The following ASIC2 variants were observed in gnomAD, a reference collection of about 807,000 sequenced individuals.
The protein encoded by ASIC2 is acid sensing ion channel subunit 2, also known as acid-sensing ion channel 2.
Under a neutral mutation model 57.3 loss-of-function variants are expected in ASIC2, and 25 were observed. That is an observed-to-expected ratio of 0.44 (90% CI 0.32 to 0.61). ASIC2 has a LOEUF of 0.61. ASIC2 is among the 20% of genes least tolerant of loss of function. The pLI, the probability that ASIC2 is intolerant of heterozygous loss-of-function variation, is 0.06. For synonymous variants in ASIC2, 319 were observed against 307.5 expected (o/e 1.04, Z -0.39); for missense variants, 641 against 738.1 (o/e 0.87, Z 1.52).
At chr17:33,255,780 G>T (rs1909046153) in intron 1 of ASIC2, among the ~76,000 whole-genome samples, 1 of 152,016 alleles carries the variant, frequency 6.6e-6, no homozygotes, top group Non-Finnish European at 1.5e-5. Context: ...AAGATTTCAG[G>T]CATGTCAAAA....
At chr17:33,648,449 T>C (rs1906815382) in intron 1 of ASIC2, among the ~76,000 whole-genome samples, 1 of 152,214 alleles carries the variant, frequency 6.6e-6, no homozygotes, top group Admixed American at 6.5e-5. Flanking sequence ...CAATGACTGC[T>C]ATATAGGAAG....
intron 1 of ASIC2, among the ~76,000 whole-genome samples, chr17:33,208,785 T>C (rs1287655025): frequency 1.3e-5 from 2 of 152,142 alleles, no homozygotes; most frequent in Non-Finnish European, 2.9e-5. Flanking sequence ...GAACAGGGCC[T>C]GGCACATAGC....
At chr17:33,628,856 T>C (rs1906070262) in intron 1 of ASIC2, among the ~76,000 whole-genome samples, 1 of 152,212 alleles carries the variant, frequency 6.6e-6, no homozygotes, top group Non-Finnish European at 1.5e-5. Flanking sequence ...AAGAGACCAG[T>C]CTGGGTTTGA....
At chr17:33,586,259 G>T (rs569540170) in intron 1 of ASIC2, among the ~76,000 whole-genome samples, 12 of 152,268 alleles carry the variant, frequency 7.9e-5, no homozygotes, top group Admixed American at 5.2e-4. Flanking sequence ...GGAGCTTCTG[G>T]GTTCTCATAT....
intron 1 of ASIC2, among the ~76,000 whole-genome samples, chr17:34,066,396 T>C (rs905672238): frequency 6.6e-6 from 1 of 152,176 alleles, no homozygotes; most frequent in East Asian, 1.9e-4. Context: ...GCCAGACTGA[T>C]TGAATTGGAA....
intron 1 of ASIC2, among the ~76,000 whole-genome samples, chr17:34,104,622 T>G (rs917279070): frequency 6.6e-6 from 1 of 152,130 alleles, no homozygotes; most frequent in African/African-American, 2.4e-5. Context: ...ATTGGGATTC[T>G]AGTTTGTTAG....
chr17:33,150,510 C>G, intron 1 of ASIC2, among the ~76,000 whole-genome samples: 1 of 152,098 alleles, frequency 6.6e-6, no homozygotes, highest in East Asian at 1.9e-4. Context: ...ATCACTTATT[C>G]CAAGGTCTTA....
chr17:34,059,333 C>G (rs1908884515), intron 1 of ASIC2, among the ~76,000 whole-genome samples: 1 of 152,132 alleles, frequency 6.6e-6, no homozygotes, highest in Non-Finnish European at 1.5e-5. Flanking sequence ...GTAGAGGAAG[C>G]AACAGAAAGA....
chr17:33,673,830 G>A (rs1907718912), intron 1 of ASIC2, among the ~76,000 whole-genome samples: 1 of 152,030 alleles, frequency 6.6e-6, no homozygotes, highest in African/African-American at 2.4e-5. Flanking sequence ...TAAAGATGTG[G>A]GCAAGTGAGA....
chr17:33,890,633 G>A (rs953183971), intron 1 of ASIC2, among the ~76,000 whole-genome samples: 5 of 152,088 alleles, frequency 3.3e-5, no homozygotes, highest in Admixed American at 2.6e-4. Context: ...CTGAACCACC[G>A]TCCATTCTAT....
chr17:33,141,980 A>G lies in ASIC2; in HGVS notation c.709-29913T>C, dbSNP rs541283708. On this transcript the variant is annotated intron_variant, in intron 1 of 9. Coordinates refer to ENST00000225823, the MANE Select transcript of ASIC2 (RefSeq NM_183377.2). ...TCAATTTGTTACAAAATGAAATCGTATCTATGTTTGCAGACCCTATTGGCA... is the reference window on the plus strand; with the variant it reads ...TCAATTTGTTACAAAATGAAATCGTGTCTATGTTTGCAGACCCTATTGGCA... 2.6e-5 allele frequency among the ~76,000 whole-genome samples: 4 copies of G among 152,364 alleles called. No individual in the cohort carries two copies. In the East Asian group the frequency reaches 7.7e-4, roughly 29 times the overall value.
intron 1 of ASIC2, among the ~76,000 whole-genome samples, chr17:33,656,187 C>T (rs1366447492): frequency 6.6e-6 from 1 of 151,802 alleles, no homozygotes; most frequent in African/African-American, 2.4e-5. Context: ...AAAAAACAAA[C>T]AAACCAGAAA....
chr17:33,774,264 T>C (rs1385554933), intron 1 of ASIC2, among the ~76,000 whole-genome samples: 3 of 152,186 alleles, frequency 2.0e-5, no homozygotes, highest in Non-Finnish European at 4.4e-5. Flanking sequence ...TCAAGGAAAT[T>C]TGGGTGAGGT....
intron 2 of ASIC2, among the ~76,000 whole-genome samples, chr17:33,109,006 T>C (rs542779211): frequency 1.3e-5 from 2 of 152,314 alleles, no homozygotes; most frequent in East Asian, 1.9e-4. Context: ...AGCTAGCTAA[T>C]TTAAATGAAT....
At chr17:33,919,004 G>C (rs578186235) in intron 1 of ASIC2, among the ~76,000 whole-genome samples, 1 of 152,292 alleles carries the variant, frequency 6.6e-6, no homozygotes, top group South Asian at 2.1e-4. Flanking sequence ...TGATGACCTG[G>C]GGTGAAGGAT....
At chr17:33,587,124 TA>T (rs1904666302) in intron 1 of ASIC2, among the ~76,000 whole-genome samples, 1 of 152,252 alleles carries the variant, frequency 6.6e-6, no homozygotes, top group Non-Finnish European at 1.5e-5. Context: ...TTACATATGT[TA>T]CATGATTATG....
At chr17:33,261,178 C>T (rs1485305315) in intron 1 of ASIC2, among the ~76,000 whole-genome samples, 2 of 152,188 alleles carry the variant, frequency 1.3e-5, no homozygotes, top group Non-Finnish European at 2.9e-5. Flanking sequence ...CAGCATTATG[C>T]CCTCTCCAAA....
intron 1 of ASIC2, among the ~76,000 whole-genome samples, chr17:33,385,677 T>C (rs1909648507): frequency 6.6e-6 from 1 of 152,238 alleles, no homozygotes; most frequent in South Asian, 2.1e-4. Context: ...TGAAAAGTTC[T>C]GCAACTCTGC....
intron 1 of ASIC2, among the ~76,000 whole-genome samples, chr17:33,321,423 C>A (rs929243940): frequency 6.6e-6 from 1 of 152,130 alleles, no homozygotes; most frequent in Admixed American, 6.6e-5. Flanking sequence ...GAATGCACAG[C>A]ATTTTTGTGT....
Sources: gnomAD v4.1 joint callset for allele counts (sites outside exome capture counted in the v4.1 genomes callset) on GRCh38, gnomAD v4.1.1 for gene constraint, MANE v1.5 for transcripts, NCBI Gene and HGNC (gene_info 2026-07-23, HGNC 2026-07-21) for gene names.